Variants in NEGR1 observed in about 807,000 individuals in gnomAD.
The protein encoded by NEGR1 is neuronal growth regulator 1.
A neutral mutation model predicts 40.9 loss-of-function variants in NEGR1; 10 were observed. That is an observed-to-expected ratio of 0.24 (90% CI 0.15 to 0.42). The LOEUF is 0.42. Among genes scored for constraint, NEGR1 ranks in the 10% least tolerant of loss-of-function variants. The pLI is 1.00. For missense variants in NEGR1, 352 were observed against 438.9 expected, an observed-to-expected ratio of 0.80 and a Z score of 1.77; for synonymous variants, 185 against 166.8, an observed-to-expected ratio of 1.11 and a Z score of -0.84.
At chr1:71,543,948 T>G (rs915932328) in intron 6 of NEGR1, among the ~76,000 whole-genome samples, 14 of 151,696 alleles carry the variant, frequency 9.2e-5, no homozygotes, top group African/African-American at 3.4e-4. Flanking sequence ...AGGCCTTATA[T>G]GAAGTCAAAA....
chr1:72,045,555 C>T (rs930120125), intron 1 of NEGR1, among the ~76,000 whole-genome samples: 1 of 151,850 alleles, frequency 6.6e-6, no homozygotes, highest in Admixed American at 6.6e-5. Flanking sequence ...TTTCCCTGCA[C>T]AAGCTCTCTT....
chr1:71,429,404 C>T (rs1036574120), intron 6 of NEGR1, among the ~76,000 whole-genome samples: 2 of 152,116 alleles, frequency 1.3e-5, no homozygotes, highest in East Asian at 1.9e-4. Context: ...TTCAAATGCT[C>T]GGTGGGGGTT....
chr1:72,089,479 T>C (rs567239065), intron 1 of NEGR1, among the ~76,000 whole-genome samples: 4 of 152,322 alleles, frequency 2.6e-5, no homozygotes, highest in African/African-American at 9.6e-5. Context: ...ATCATAACTG[T>C]GATTGATTAA....
chr1:72,148,113 T>G (rs977907453), intron 1 of NEGR1, among the ~76,000 whole-genome samples: 1 of 151,788 alleles, frequency 6.6e-6, no homozygotes, highest in African/African-American at 2.4e-5. Context: ...AGACTCTGTG[T>G]AGGGGCTCAG....
intron 1 of NEGR1, among the ~76,000 whole-genome samples, chr1:72,172,862 C>T (rs1652015400): frequency 6.6e-6 from 1 of 152,052 alleles, no homozygotes; most frequent in African/African-American, 2.4e-5. Flanking sequence ...TGTTGAACCA[C>T]GTCTTTCCAT....
At chr1:71,989,558 T>C (rs928674261) in intron 1 of NEGR1, among the ~76,000 whole-genome samples, 2 of 151,722 alleles carry the variant, frequency 1.3e-5, no homozygotes, top group Non-Finnish European at 2.9e-5. Context: ...TTAATAATTT[T>C]AATCCATCTT....
At chr1:72,151,838 T>G (rs1046943841) in intron 1 of NEGR1, among the ~76,000 whole-genome samples, 4 of 151,858 alleles carry the variant, frequency 2.6e-5, no homozygotes, top group African/African-American at 9.7e-5. Flanking sequence ...TCATTCATAA[T>G]ATATAGTAAT....
intron 5 of NEGR1, among the ~76,000 whole-genome samples, chr1:71,609,891 A>G (rs1021074425): frequency 2.0e-5 from 3 of 152,330 alleles, no homozygotes; most frequent in Admixed American, 2.0e-4. Context: ...TCATGGGGGC[A>G]GTTCCCCCAC....
At chr1:72,018,693 G>T (rs1646732240) in intron 1 of NEGR1, among the ~76,000 whole-genome samples, 1 of 152,168 alleles carries the variant, frequency 6.6e-6, no homozygotes, top group Non-Finnish European at 1.5e-5. Context: ...CTGAAAGAAA[G>T]AAGTGCATAT....
Position 71,401,309 on chromosome 1 carries a change from T to A in NEGR1, c.*6137A>T, listed in dbSNP as rs1015292412. 1 of 152,204 alleles carries A rather than the reference T, an allele frequency of 6.6e-6. No individual in the cohort carries two copies. The highest frequency in any genetic ancestry group is 1.5e-5 in the Non-Finnish European group (1 of 68,032). The allele number at this position is 152,204 out of a possible 1,614,324, so 9.4% of individuals were successfully genotyped here. On this transcript the variant is annotated 3_prime_UTR_variant, in exon 7 of 7. Coordinates refer to ENST00000357731, the MANE Select transcript of NEGR1 (RefSeq NM_173808.3). ...AGCCAGTTTTGCCTCTATTAGTACA[T>A]TAATTTCAAGGTTTTTGATCTATAA...
chr1:71,985,120 T>A (rs1319832464), intron 1 of NEGR1, among the ~76,000 whole-genome samples: 2 of 152,156 alleles, frequency 1.3e-5, no homozygotes, highest in African/African-American at 4.8e-5. Context: ...ATCCTCTACA[T>A]CACACTACAT....
chr1:71,416,039 T>C (rs760003273), intron 6 of NEGR1, among the ~76,000 whole-genome samples: 4 of 152,198 alleles, frequency 2.6e-5, no homozygotes, highest in African/African-American at 4.8e-5. Context: ...GGGCATCATT[T>C]AGTTGAAGAA....
chr1:72,097,309 A>C (rs1055469784), intron 1 of NEGR1, among the ~76,000 whole-genome samples: 2 of 152,176 alleles, frequency 1.3e-5, no homozygotes, highest in Admixed American at 1.3e-4. Flanking sequence ...TAGTTGAGTA[A>C]TATATGAAAA....
chr1:71,928,882 T>A lies in NEGR1; in HGVS notation c.409+6197A>T, dbSNP rs1348376136. 2.6e-5 allele frequency among the ~76,000 whole-genome samples: 4 copies of A among 152,176 alleles called. No homozygotes were observed. In the South Asian group the frequency reaches 6.2e-4, roughly 24 times the overall value. ...CAGGTATTGATTAGTCTGCCTGAGCTCAGTATAATTTGTCTTCCATTGGAC... is the reference window on the plus strand; with the variant it reads ...CAGGTATTGATTAGTCTGCCTGAGCACAGTATAATTTGTCTTCCATTGGAC... On this transcript the variant is annotated intron_variant, in intron 2 of 6. Transcript: ENST00000357731.
chr1:71,612,427 A>G (rs1650293576), intron 4 of NEGR1, among the ~76,000 whole-genome samples: 5 of 151,966 alleles, frequency 3.3e-5, no homozygotes, highest in Admixed American at 3.3e-4. Context: ...TTTATCCTTC[A>G]CATAGTTATT....
chr1:72,087,950 G>A (rs746146844), intron 1 of NEGR1, among the ~76,000 whole-genome samples: 6 of 151,890 alleles, frequency 4.0e-5, no homozygotes, highest in Non-Finnish European at 8.8e-5. Context: ...AAACAAAATG[G>A]CACACTGAAA....
At chr1:71,671,628 T>C (rs1652434720) in intron 4 of NEGR1, among the ~76,000 whole-genome samples, 1 of 152,158 alleles carries the variant, frequency 6.6e-6, no homozygotes, top group Non-Finnish European at 1.5e-5. Context: ...TCCATCTTGG[T>C]CAGCCATCCT....
At chr1:71,823,016 A>G (rs1658489009) in intron 2 of NEGR1, among the ~76,000 whole-genome samples, 1 of 152,020 alleles carries the variant, frequency 6.6e-6, no homozygotes, top group Admixed American at 6.6e-5. Context: ...AGACCTTTAT[A>G]TGGTGCTGCG....
At chr1:71,775,006 T>A (rs986334456) in intron 3 of NEGR1, among the ~76,000 whole-genome samples, 6 of 152,308 alleles carry the variant, frequency 3.9e-5, no homozygotes, top group South Asian at 2.1e-4. Context: ...CTACATAAAC[T>A]CTTGGATTTT....
Sources: allele counts gnomAD v4.1 joint callset (sites outside exome capture counted in the v4.1 genomes callset), GRCh38; gene constraint gnomAD v4.1.1; transcripts MANE v1.5; gene names NCBI Gene and HGNC (gene_info 2026-07-23, HGNC 2026-07-21).